CALCR: variants seen among roughly 807,000 people sequenced by gnomAD.
CALCR encodes the protein calcitonin receptor.
Under a neutral mutation model 59.5 loss-of-function variants are expected in CALCR, and 47 were observed. The observed-to-expected ratio is 0.79, with a 90% CI of 0.63 to 1.01. CALCR has a LOEUF of 1.01. CALCR is among the 50% of genes least tolerant of loss of function. The pLI is 0.00. For missense variants in CALCR, 566 were observed against 597.1 expected (o/e 0.95, Z 0.54); for synonymous variants, 213 against 211.3 (o/e 1.01, Z -0.07).
intron 2 of CALCR, among the ~76,000 whole-genome samples, chr7:93,512,234 T>C (rs1440304082): frequency 6.6e-6 from 1 of 152,102 alleles, no homozygotes; most frequent in Non-Finnish European, 1.5e-5. Context: ...AGACCTGGAG[T>C]GACCAGGCAT....
At chr7:93,435,781 G>A (rs113786213) in intron 12 of CALCR, among the ~76,000 whole-genome samples, 171 bp downstream of exon 12, 48 of 149,150 alleles carry the variant, frequency 3.2e-4, no homozygotes, top group African/African-American at 1.2e-3. Flanking sequence ...ACTCCAGCCT[G>A]GTGGACAGAG....
chr7:93,537,847 G>A (rs1190573148), intron 2 of CALCR, among the ~76,000 whole-genome samples: 1 of 151,824 alleles, frequency 6.6e-6, no homozygotes, highest in Admixed American at 6.6e-5. Context: ...CCAAATCAAT[G>A]AAATTGACTA....
chr7:93,560,414 G>T (rs1323490364), intron 2 of CALCR, among the ~76,000 whole-genome samples: 2 of 151,772 alleles, frequency 1.3e-5, no homozygotes, highest in Non-Finnish European at 2.9e-5. Context: ...TATATCTGCT[G>T]GTATGCACCT....
At chr7:93,543,763 T>A (rs1789208740) in intron 2 of CALCR, among the ~76,000 whole-genome samples, 1 of 152,144 alleles carries the variant, frequency 6.6e-6, no homozygotes, top group African/African-American at 2.4e-5. Context: ...TGAGTTTTTT[T>A]TCAGGTCCAA....
rs756310669 is a variant in CALCR at position 93,477,688 on chromosome 7, T to C, written c.206-20A>G. The C allele has an allele frequency of 6.8e-6, 10 of 1,468,424 alleles. No homozygotes were observed. The highest frequency in any genetic ancestry group is 6.7e-5 in the Admixed American group (4 of 59,496). 91.0% of individuals were successfully genotyped at this position (1,468,424 alleles called of 1,614,324 possible). A position where few individuals can be genotyped will look rare whatever the true frequency, so the allele number is the denominator to read the frequency against. On this transcript the variant is annotated intron_variant, in intron 4 of 13. Transcript: ENST00000426151. Reference sequence around the variant, plus strand: ...ATGGACCTGGCCATTTAGAAGGAAATTGATATTGAAGCCTTGTGGATTTAA... The same window carrying C: ...ATGGACCTGGCCATTTAGAAGGAAACTGATATTGAAGCCTTGTGGATTTAA...
intron 8 of CALCR, among the ~76,000 whole-genome samples, chr7:93,458,828 A>C (rs932839294): frequency 2.0e-5 from 3 of 152,160 alleles, no homozygotes; most frequent in African/African-American, 7.2e-5. Flanking sequence ...CATTTGCATT[A>C]GGATAAAACA....
intron 3 of CALCR, among the ~76,000 whole-genome samples, chr7:93,480,820 G>C (rs183626721): frequency 1.4e-4 from 22 of 151,792 alleles, no homozygotes; most frequent in African/African-American, 2.7e-4. Flanking sequence ...AGGCACAAGG[G>C]GGGGTCGAGA....
chr7:93,470,403 A>G (rs1800527103), intron 6 of CALCR, among the ~76,000 whole-genome samples: 1 of 151,836 alleles, frequency 6.6e-6, no homozygotes, highest in Non-Finnish European at 1.5e-5. Context: ...ACTATGTAGA[A>G]CACTCTTGCC....
intron 2 of CALCR, among the ~76,000 whole-genome samples, chr7:93,487,882 C>A (rs1159238736): frequency 6.6e-6 from 1 of 151,478 alleles, no homozygotes. Flanking sequence ...GACTGGCCAA[C>A]ATGCAAATTC....
At chr7:93,502,483 C>T (rs1299126362) in intron 2 of CALCR, among the ~76,000 whole-genome samples, 2 of 151,976 alleles carry the variant, frequency 1.3e-5, no homozygotes, top group Non-Finnish European at 2.9e-5. Context: ...TTTAATTGAT[C>T]TACTCTTAAA....
chr7:93,458,355 A>G (rs1302569966), intron 8 of CALCR, among the ~76,000 whole-genome samples: 1 of 152,170 alleles, frequency 6.6e-6, no homozygotes, highest in Non-Finnish European at 1.5e-5. Context: ...GCCAGTTTTG[A>G]AAGATGAGGC....
At position 93,548,054 on chromosome 7, in the gene CALCR, C is replaced by A. The variant is rs1281967233; in HGVS notation, c.-27+26235G>T. On this transcript the variant is annotated intron_variant, in intron 2 of 13. Transcript: ENST00000426151. ...ATGGAAATACTTTCTAAGGGATGGG[C>A]ATATAAGTAGTTTTGAGTGTCAATT... Among the ~76,000 whole-genome samples, 3 of 152,116 alleles carry A rather than the reference C, an allele frequency of 2.0e-5. No individual in the cohort carries two copies. In the South Asian group the frequency reaches 6.2e-4, roughly 32 times the overall value.
chr7:93,433,006 A>G (rs1462090243), intron 13 of CALCR, among the ~76,000 whole-genome samples: 2 of 152,176 alleles, frequency 1.3e-5, no homozygotes, highest in African/African-American at 4.8e-5. Flanking sequence ...AGCAATAGTA[A>G]ATGCACAATG....
chr7:93,472,527 A>G, intron 5 of CALCR, 40 bp from the exon 6 acceptor site: 15 of 1,106,514 alleles, frequency 1.4e-5, no homozygotes, highest in Non-Finnish European at 2.1e-5. Context: ...TAATATCTCA[A>G]AATCCCAACA....
At chr7:93,482,229 A>T (rs1211685264) in intron 3 of CALCR, among the ~76,000 whole-genome samples, 3 of 151,864 alleles carry the variant, frequency 2.0e-5, no homozygotes, top group Non-Finnish European at 4.4e-5. Context: ...AAATTCAATT[A>T]CATATTAGGC....
At chr7:93,510,135 A>G (rs10275689) in intron 2 of CALCR, among the ~76,000 whole-genome samples, 42,855 of 151,984 alleles carry the variant, frequency 0.28, 6,377 homozygotes, top group Non-Finnish European at 0.32. Context: ...TCATTGATCA[A>G]AGCAGAACTC....
chr7:93,537,228 T>C (rs758026667), intron 2 of CALCR, among the ~76,000 whole-genome samples: 5 of 151,858 alleles, frequency 3.3e-5, no homozygotes, highest in Admixed American at 1.3e-4. Flanking sequence ...TTTTCTCTTA[T>C]ACAATGTTCC....
At position 93,443,643 on chromosome 7, in the gene CALCR, C is replaced by T. The variant is rs867922665; in HGVS notation, c.763G>A (p.Glu255Lys). The change falls in exon 9 of 14, where the codon GAG (glutamate) becomes AAG (lysine). Residue 255 changes from glutamate to lysine, a missense_variant. Physicochemically the swap from Glu to Lys is moderately conservative, Grantham distance 56 (BLOSUM62 1). Transcript: ENST00000426151. Reference sequence around the variant, plus strand: ...TAATACCACCGCAAGCGTTGCTTCTCAGTAAACACAGCCACGACAATGAGT... The same window carrying T: ...TAATACCACCGCAAGCGTTGCTTCTTAGTAAACACAGCCACGACAATGAGT... ...HTLIVVAVFT[E>K]KQRLRWYYLL... The T allele has an allele frequency of 6.2e-7, 1 of 1,613,474 alleles. No homozygotes were observed. The highest frequency in any genetic ancestry group is 1.1e-5 in the South Asian group (1 of 91,040).
chr7:93,487,157 G>A, intron 2 of CALCR, 150 bp from the exon 3 acceptor site: 2 of 561,748 alleles, frequency 3.6e-6, no homozygotes, highest in South Asian at 4.8e-5. Flanking sequence ...CAGTATGCTT[G>A]TGATGCAAAT....
Sources: gnomAD v4.1 joint callset for allele counts (sites outside exome capture counted in the v4.1 genomes callset) on GRCh38, gnomAD v4.1.1 for gene constraint, MANE v1.5 for transcripts, NCBI Gene and HGNC (gene_info 2026-07-23, HGNC 2026-07-21) for gene names.